The following RCAN1 variants were observed in gnomAD, a reference collection of about 807,000 sequenced individuals.
The protein encoded by RCAN1 is calcipressin-1.
In RCAN1, 11 loss-of-function variants were observed where a neutral mutation model predicts 22.9. The ratio of observed to expected loss-of-function variants is 0.48; its 90% CI spans 0.30 to 0.79. The LOEUF (loss-of-function observed/expected upper bound fraction) is 0.79, where lower values mean the gene tolerates loss of function less well. Among genes scored for constraint, RCAN1 ranks in the 30% least tolerant of loss-of-function variants. The pLI, the probability that RCAN1 is intolerant of heterozygous loss-of-function variation, is 0.06. For missense variants in RCAN1, 291 were observed against 337.8 expected (o/e 0.86, Z 1.09); for synonymous variants, 136 against 142.3 (o/e 0.96, Z 0.32).
chr21:34,607,845 A>G (rs8129756), intron 1 of RCAN1, among the ~76,000 whole-genome samples: 11,495 of 152,254 alleles, frequency 0.075, 1,099 homozygotes, highest in African/African-American at 0.22. Context: ...GAAGCGGGCC[A>G]CACAGCAGGA....
chr21:34,582,614 G>C (rs995870459), intron 1 of RCAN1, among the ~76,000 whole-genome samples: 1 of 152,194 alleles, frequency 6.6e-6, no homozygotes, highest in Non-Finnish European at 1.5e-5. Flanking sequence ...TGAATCTGGA[G>C]AGGGCAGAGC....
chr21:34,580,973 G>T (rs1039512863), intron 1 of RCAN1, among the ~76,000 whole-genome samples: 1 of 152,160 alleles, frequency 6.6e-6, no homozygotes, highest in African/African-American at 2.4e-5. Flanking sequence ...AGGAAGAAGA[G>T]AGTTTTAGGC....
At position 34,521,484 on chromosome 21, in the gene RCAN1, G is replaced by A. The variant is rs200224331; in HGVS notation, c.586+15C>T. The A allele has an allele frequency of 1.5e-4, 237 of 1,614,050 alleles. No homozygotes were observed. The African/African-American group carries it at 2.4e-3, about 16-fold the overall frequency. On this transcript the variant is annotated intron_variant, in intron 3 of 3. Transcript: ENST00000313806. ...GTCTCCCCCTGCCTCCCTCCCACCC[G>A]AGGGCCCTGCTCACCTGGCCCCAGC...
rs1984172886 is a variant in RCAN1 at position 34,518,016 on chromosome 21, A to G, written c.*68T>C. On this transcript the variant is annotated 3_prime_UTR_variant, in exon 4 of 4. Transcript: ENST00000313806. This position sits in a 1 kb window ranked among gnomAD's most constrained non-coding sequence, Gnocchi z 4.2. ...TGCCACCTCCGAAGAAGTCGTGACC[A>G]GCCACCTCCACAGTAAAAGATTCCT... The G allele has an allele frequency of 1.1e-5, 18 of 1,577,984 alleles. No individual in the cohort carries two copies. In the South Asian group the frequency reaches 1.6e-4, roughly 14 times the overall value.
intron 1 of RCAN1, chr21:34,525,179 A>G: frequency 6.4e-7 from 1 of 1,550,604 alleles, no homozygotes; most frequent in Non-Finnish European, 8.7e-7. Context: ...GTTCACTGCT[A>G]GCAAGCGCGG....
chr21:34,591,244 G>C (rs1301965686), intron 1 of RCAN1, among the ~76,000 whole-genome samples: 4 of 152,178 alleles, frequency 2.6e-5, no homozygotes, highest in African/African-American at 9.7e-5. Context: ...ATTCTGATAG[G>C]AAAAGATGGA....
intron 1 of RCAN1, among the ~76,000 whole-genome samples, chr21:34,590,073 A>AG (rs1052128776): frequency 1.8e-4 from 27 of 152,196 alleles, no homozygotes; most frequent in Admixed American, 1.6e-3. Flanking sequence ...TTCCTGTGTT[A>AG]GCACACCACA....
At chr21:34,537,710 T>C (rs1395299156) in intron 1 of RCAN1, among the ~76,000 whole-genome samples, 1 of 152,220 alleles carries the variant, frequency 6.6e-6, no homozygotes, top group African/African-American at 2.4e-5. Flanking sequence ...TGGTGTGAGG[T>C]GCCAGGCGTA....
At chr21:34,593,285 A>G (rs1176862513) in intron 1 of RCAN1, among the ~76,000 whole-genome samples, 1 of 152,258 alleles carries the variant, frequency 6.6e-6, no homozygotes, top group East Asian at 1.9e-4. Flanking sequence ...GTGTTTCAAC[A>G]TAATACTACT....
chr21:34,595,704 A>G (rs2123717153), intron 1 of RCAN1, among the ~76,000 whole-genome samples: 1 of 152,336 alleles, frequency 6.6e-6, no homozygotes, highest in South Asian at 2.1e-4. Context: ...AGATTCAGGC[A>G]TGCACACTGC....
At chr21:34,544,896 G>A (rs376675714) in intron 1 of RCAN1, among the ~76,000 whole-genome samples, 15 of 152,238 alleles carry the variant, frequency 9.9e-5, no homozygotes, top group African/African-American at 3.6e-4. Flanking sequence ...GTGGGCAGGA[G>A]AGCCTTTTAA....
chr21:34,523,179 T>C (rs892238541), intron 2 of RCAN1: 1 of 222,736 alleles, frequency 4.5e-6, no homozygotes, highest in South Asian at 7.1e-5. Context: ...GAGTGGGTCA[T>C]GAGCTCCAAC....
intron 1 of RCAN1, among the ~76,000 whole-genome samples, chr21:34,539,567 A>C (rs1052043909): frequency 6.6e-6 from 1 of 152,236 alleles, no homozygotes; most frequent in African/African-American, 2.4e-5. Context: ...ATAACAAAAA[A>C]GCTTCTCCTT....
chr21:34,572,676 C>T (rs576687820), intron 1 of RCAN1, among the ~76,000 whole-genome samples: 91 of 152,210 alleles, frequency 6.0e-4, no homozygotes, highest in African/African-American at 2.1e-3. Flanking sequence ...TGTATTAGTC[C>T]GGTCTCACAC....
In RCAN1 at chr21:34,613,477, A is replaced by C. The variant is rs951778798; in HGVS notation, c.252+1283T>G. Among the ~76,000 whole-genome samples, 4 of 152,312 alleles carry C rather than the reference A, an allele frequency of 2.6e-5. No homozygotes were observed. The East Asian group carries it at 5.8e-4, about 22-fold the overall frequency. On this transcript the variant is annotated intron_variant, in intron 1 of 3. Coordinates refer to ENST00000313806, the MANE Select transcript of RCAN1 (RefSeq NM_004414.7). ...AGTGGGCAAACTTTCATACAACACA[A>C]TTTCAGGATTGTATCCAACACTGGA...
At chr21:34,612,818 A>G (rs1380843335) in intron 1 of RCAN1, among the ~76,000 whole-genome samples, 2 of 152,130 alleles carry the variant, frequency 1.3e-5, no homozygotes, top group Non-Finnish European at 2.9e-5. Flanking sequence ...AGGCCTGGAC[A>G]TCCCTTGTTA....
chr21:34,530,998 C>G (rs1985363501), intron 1 of RCAN1, among the ~76,000 whole-genome samples: 1 of 152,204 alleles, frequency 6.6e-6, no homozygotes, highest in Non-Finnish European at 1.5e-5. Flanking sequence ...CAAAAAACAA[C>G]CCCACAAGGG....
chr21:34,519,468 G>A (rs1357403179), intron 3 of RCAN1, among the ~76,000 whole-genome samples: 1 of 141,940 alleles, frequency 7.0e-6, no homozygotes, highest in African/African-American at 2.6e-5. Flanking sequence ...ACAAGATCTC[G>A]GCTCAGTGCA....
At position 34,614,796 on chromosome 21, in the gene RCAN1, G is replaced by A. The variant is rs200939086; in HGVS notation, c.216C>T (p.His72=). 1.4e-5 allele frequency: 20 copies of A among 1,480,882 alleles called. No homozygotes were observed. The African/African-American group carries it at 2.6e-4, about 20-fold the overall frequency. 91.7% of individuals were successfully genotyped at this position (1,480,882 alleles called of 1,614,324 possible). ...CGTCCACGAACACGCGCGGGTCCAGGTGACAGGCGATGGTGGCGCTGGGCA... is the reference window on the plus strand; with the variant it reads ...CGTCCACGAACACGCGCGGGTCCAGATGACAGGCGATGGTGGCGCTGGGCA... ...QDLPSATIAC[H]LDPRVFVDGL... Residue 72 remains histidine (H), a synonymous_variant, in exon 1 of 4, where the codon CAC becomes CAT. Coordinates refer to ENST00000313806, the MANE Select transcript of RCAN1 (RefSeq NM_004414.7). The surrounding 1 kb of genome is among the most constrained non-coding windows in gnomAD (Gnocchi z 6.0).
Sources: gnomAD v4.1 joint callset for allele counts (sites outside exome capture counted in the v4.1 genomes callset) on GRCh38, gnomAD v4.1.1 for gene constraint, Gnocchi (gnomAD v3.1) non-coding constraint, MANE v1.5 for transcripts, NCBI Gene and HGNC (gene_info 2026-07-23, HGNC 2026-07-21) for gene names.